Variants in ZNF420 observed in about 807,000 individuals in gnomAD.
The protein encoded by ZNF420 is ATM and p53-associated KZNF protein.
ZNF420 carries 31 observed loss-of-function variants against 44.7 expected under a neutral mutation model. The observed-to-expected ratio is 0.69, with a 90% CI of 0.52 to 0.94. The LOEUF (loss-of-function observed/expected upper bound fraction) is 0.94. Among genes scored for constraint, ZNF420 ranks in the 40% least tolerant of loss-of-function variants. The pLI is 0.00. For missense variants in ZNF420, 681 were observed against 827.9 expected (o/e 0.82, Z 2.18); for synonymous variants, 245 against 267.4 (o/e 0.92, Z 0.82).
intron 4 of ZNF420, among the ~76,000 whole-genome samples, chr19:37,102,759 C>T (rs1195209279): frequency 6.6e-6 from 1 of 152,152 alleles, no homozygotes; most frequent in Non-Finnish European, 1.5e-5. Context: ...GAGTGGGTTA[C>T]CTCCTATTTC....
intron 1 of ZNF420, among the ~76,000 whole-genome samples, chr19:37,010,426 TC>T (rs1451645705): frequency 1.3e-5 from 2 of 152,050 alleles, no homozygotes; most frequent in Non-Finnish European, 2.9e-5. Context: ...CACTTGAGAA[TC>T]GTTCTCGCAA....
chr19:37,117,782 G>C (rs930350303), intron 4 of ZNF420, among the ~76,000 whole-genome samples: 2 of 152,196 alleles, frequency 1.3e-5, no homozygotes, highest in Non-Finnish European at 2.9e-5. Flanking sequence ...ACTTAAAGGA[G>C]CTGATGGAGC....
chr19:37,082,189 G>T (rs1968505672), intron 2 of ZNF420, among the ~76,000 whole-genome samples: 1 of 152,102 alleles, frequency 6.6e-6, no homozygotes, highest in Non-Finnish European at 1.5e-5. Context: ...TTGAGACAGA[G>T]TCTCACTCTG....
chr19:37,076,808 A>G, upstream of ZNF420, among the ~76,000 whole-genome samples: 1 of 152,188 alleles, frequency 6.6e-6, no homozygotes, highest in Non-Finnish European at 1.5e-5. Flanking sequence ...AGTCTTTGCT[A>G]TCGTGAATAG....
Position 37,045,825 on chromosome 19 carries a change from A to G in ZNF420, c.-124-34520A>G, listed in dbSNP as rs901886292. Reference sequence around the variant, plus strand: ...TGGTTGGCCCATGGACAGTTTAATAAATGTTTGCTGACTAATATGTAGCAT... The same window carrying G: ...TGGTTGGCCCATGGACAGTTTAATAGATGTTTGCTGACTAATATGTAGCAT... On this transcript the variant is annotated intron_variant, in intron 1 of 4. Transcript: ENST00000587029. Among the ~76,000 whole-genome samples the G allele has an allele frequency of 2.6e-5, 4 of 152,186 alleles. No homozygotes were observed. The South Asian group carries it at 8.3e-4, about 32-fold the overall frequency.
At chr19:37,021,331 T>C (rs2074646867) in intron 1 of ZNF420, among the ~76,000 whole-genome samples, 1 of 151,738 alleles carries the variant, frequency 6.6e-6, no homozygotes. Flanking sequence ...GCAATGGTGC[T>C]ATCTCTGCTC....
chr19:37,073,364 T>A (rs778793533), intron 1 of ZNF420, among the ~76,000 whole-genome samples: 15 of 152,168 alleles, frequency 9.9e-5, no homozygotes, highest in Non-Finnish European at 2.2e-4. Flanking sequence ...GAATATACAT[T>A]GAAAAGATCA....
upstream of ZNF420, among the ~76,000 whole-genome samples, chr19:37,077,442 C>T (rs1719549644): frequency 6.6e-6 from 1 of 152,118 alleles, no homozygotes; most frequent in Non-Finnish European, 1.5e-5. Context: ...GAGGAAAAGG[C>T]AGTTACCCTA....
intron 1 of ZNF420, among the ~76,000 whole-genome samples, chr19:37,019,361 A>C (rs1395394345): frequency 1.3e-5 from 2 of 152,354 alleles, no homozygotes; most frequent in East Asian, 1.9e-4. Flanking sequence ...GCTGCCGTTA[A>C]AAAACAGAAA....
chr19:37,018,324 G>A (rs2074622320), intron 1 of ZNF420, among the ~76,000 whole-genome samples: 1 of 152,074 alleles, frequency 6.6e-6, no homozygotes. Flanking sequence ...AAACCTCGTG[G>A]GATTCCAAGT....
At chr19:37,117,075 A>T (rs1970733793) in intron 4 of ZNF420, among the ~76,000 whole-genome samples, 1 of 152,210 alleles carries the variant, frequency 6.6e-6, no homozygotes, top group Non-Finnish European at 1.5e-5. Flanking sequence ...GCAGACTTAA[A>T]CGTCCCTGTC....
At chr19:37,121,808 G>T (rs1971059628) in intron 4 of ZNF420, among the ~76,000 whole-genome samples, 1 of 152,108 alleles carries the variant, frequency 6.6e-6, no homozygotes, top group South Asian at 2.1e-4. Flanking sequence ...GTGGGTGAAG[G>T]ATATGAACAG....
chr19:37,054,259 CCTTTT>C (rs1967701163), intron 1 of ZNF420, among the ~76,000 whole-genome samples: 1 of 152,198 alleles, frequency 6.6e-6, no homozygotes, highest in African/African-American at 2.4e-5. Flanking sequence ...CGTCTGTCAC[CCTTTT>C]CTTTGACTAG....
At chr19:37,081,505 A>G (rs1271276764) in intron 2 of ZNF420, among the ~76,000 whole-genome samples, 1 of 135,380 alleles carries the variant, frequency 7.4e-6, no homozygotes, top group Non-Finnish European at 1.6e-5. Flanking sequence ...TGCTTCATGT[A>G]TTTTTTTTTT....
intron 4 of ZNF420, chr19:37,107,845 G>A (rs1012402153): frequency 5.9e-5 from 6 of 102,564 alleles, no homozygotes; most frequent in African/African-American, 3.0e-4. Flanking sequence ...AAATTTAATG[G>A]GCTTTGATCC....
intron 1 of ZNF420, among the ~76,000 whole-genome samples, chr19:37,021,388 C>T (rs1190573866): frequency 6.6e-6 from 1 of 152,174 alleles, no homozygotes; most frequent in Non-Finnish European, 1.5e-5. Context: ...CTGCCTCAGC[C>T]TTCCAAATAG....
intron 4 of ZNF420, among the ~76,000 whole-genome samples, chr19:37,110,464 CTTG>C (rs2146658363): frequency 6.6e-6 from 1 of 152,288 alleles, no homozygotes; most frequent in East Asian, 1.9e-4. Context: ...AGTAAGTCAG[CTTG>C]TTCATTTGCT....
chr19:37,084,113 A>G (rs1968625438), intron 2 of ZNF420, among the ~76,000 whole-genome samples: 1 of 152,178 alleles, frequency 6.6e-6, no homozygotes, highest in African/African-American at 2.4e-5. Flanking sequence ...AACAATGCCA[A>G]TATTATTAAT....
chr19:37,030,152 T>G (rs1005290883), intron 1 of ZNF420, among the ~76,000 whole-genome samples: 4 of 151,824 alleles, frequency 2.6e-5, no homozygotes, highest in Admixed American at 6.6e-5. Flanking sequence ...GTTCTCTGTT[T>G]TTGTTGTTGT....
Sources: allele counts gnomAD v4.1 joint callset (sites outside exome capture counted in the v4.1 genomes callset), GRCh38; gene constraint gnomAD v4.1.1; transcripts MANE v1.5; gene names NCBI Gene and HGNC (gene_info 2026-07-23, HGNC 2026-07-21).